Variants in ROBO2 observed in about 807,000 individuals in gnomAD.
The protein encoded by ROBO2 is roundabout homolog 2.
A neutral mutation model predicts 160.8 loss-of-function variants in ROBO2; 53 were observed. The observed-to-expected ratio is 0.33, with a 90% CI of 0.26 to 0.41. The LOEUF is 0.41. Ranked by LOEUF, ROBO2 falls within the 10% of genes least tolerant of loss-of-function variation. The pLI is 1.00. For missense variants in ROBO2, 1,577 were observed against 1,722.4 expected (o/e 0.92, Z 1.49); for synonymous variants, 664 against 611.7 (o/e 1.09, Z -1.26).
intron 2 of ROBO2, among the ~76,000 whole-genome samples, chr3:76,217,030 G>A (rs1224147009): frequency 2.0e-5 from 3 of 152,098 alleles, no homozygotes; most frequent in African/African-American, 4.8e-5. Context: ...TCAACTACAT[G>A]GAAACTGAAC....
rs561613025 is a variant in ROBO2, at chr3:77,593,484, G to T, written c.2684-1658G>T. Among the ~76,000 whole-genome samples, 111 of 152,282 alleles carry T rather than the reference G, an allele frequency of 7.3e-4. 1 individual carries two copies. Among genetic ancestry groups the T allele is most frequent in the Non-Finnish European group, 1.1e-3 (72 of 68,028 alleles). On this transcript the variant is annotated intron_variant, in intron 17 of 25. Coordinates refer to ENST00000461745, the Ensembl canonical transcript of ROBO2. The stretch of plus-strand genomic sequence containing the variant: ...AGCATGTGCCTATAGCCAGTGTTGA[G>T]CAGATGCAAAGGTTATGTCAGGATT...
chr3:76,379,118 G>T (rs1028831687), intron 2 of ROBO2, among the ~76,000 whole-genome samples: 1 of 152,074 alleles, frequency 6.6e-6, no homozygotes, highest in African/African-American at 2.4e-5. Context: ...AACAAATGAA[G>T]ACATTGTTTT....
chr3:76,791,289 C>T (rs2063334075), intron 2 of ROBO2, among the ~76,000 whole-genome samples: 1 of 151,734 alleles, frequency 6.6e-6, no homozygotes, highest in South Asian at 2.1e-4. Flanking sequence ...GGTAGTGAGC[C>T]TGCAGAATGG....
chr3:76,081,837 T>TACACAC (rs55705748), intron 2 of ROBO2, among the ~76,000 whole-genome samples: 12,353 of 148,022 alleles, frequency 0.083, 648 homozygotes, highest in Non-Finnish European at 0.12. Flanking sequence ...TGTAAATACA[T>TACACAC]ACACACACAC....
chr3:77,410,699 T>TCCTCCTCC (rs1560758742), intron 2 of ROBO2, among the ~76,000 whole-genome samples: 1 of 41,014 alleles, frequency 2.4e-5, no homozygotes, highest in African/African-American at 1.2e-4. Flanking sequence ...CCTCCTCCTC[T>TCCTCCTCC]TCCTCCTCCT....
intron 2 of ROBO2, among the ~76,000 whole-genome samples, chr3:76,226,450 A>G (rs1398346195): frequency 6.6e-6 from 1 of 152,140 alleles, no homozygotes; most frequent in African/African-American, 2.4e-5. Flanking sequence ...TGTTGTGGTC[A>G]GAATTGTCAC....
At chr3:76,334,189 C>T (rs971181660) in intron 2 of ROBO2, among the ~76,000 whole-genome samples, 1 of 152,100 alleles carries the variant, frequency 6.6e-6, no homozygotes, top group Admixed American at 6.6e-5. Context: ...CTTCACCACC[C>T]ATATCATCAT....
At chr3:77,047,543 G>T (rs1451198750) in intron 1 of ROBO2, among the ~76,000 whole-genome samples, 2 of 151,386 alleles carry the variant, frequency 1.3e-5, no homozygotes, top group Non-Finnish European at 2.9e-5. Flanking sequence ...ACAAAAATTG[G>T]CTGAGCATGG....
At chr3:76,576,651 T>C (rs1411258225) in intron 2 of ROBO2, among the ~76,000 whole-genome samples, 1 of 150,998 alleles carries the variant, frequency 6.6e-6, no homozygotes, top group African/African-American at 2.4e-5. Context: ...TCATAACACT[T>C]TACCCTTTGT....
chr3:77,494,431 A>T (rs553075598), intron 5 of ROBO2, among the ~76,000 whole-genome samples: 2 of 152,254 alleles, frequency 1.3e-5, no homozygotes, highest in East Asian at 3.9e-4. Flanking sequence ...ACAAAAAGTT[A>T]GCTGAGTGTG....
At chr3:76,077,657 T>C (rs1272904280) in intron 2 of ROBO2, among the ~76,000 whole-genome samples, 1 of 151,974 alleles carries the variant, frequency 6.6e-6, no homozygotes, top group Non-Finnish European at 1.5e-5. Context: ...CCTACTATTA[T>C]TTAAAAAAAG....
intron 2 of ROBO2, among the ~76,000 whole-genome samples, chr3:76,840,239 C>T (rs904181112): frequency 4.6e-5 from 7 of 151,424 alleles, no homozygotes; most frequent in Non-Finnish European, 1.0e-4. Flanking sequence ...TTTGGTTGCT[C>T]TTGCTTTTCT....
chr3:77,047,595 A>T (rs924279053), intron 1 of ROBO2, among the ~76,000 whole-genome samples: 2 of 151,858 alleles, frequency 1.3e-5, no homozygotes, highest in Non-Finnish European at 2.9e-5. Flanking sequence ...AGGCTGAGGC[A>T]GGAGAATCAT....
At chr3:76,827,395 C>A (rs141205327) in intron 2 of ROBO2, among the ~76,000 whole-genome samples, 91 of 152,216 alleles carry the variant, frequency 6.0e-4, no homozygotes, top group African/African-American at 2.0e-3. Flanking sequence ...GTAGGTGATT[C>A]ATTTGTTTTC....
intron 1 of ROBO2, among the ~76,000 whole-genome samples, chr3:77,067,308 C>T (rs539832652): frequency 1.3e-5 from 2 of 152,130 alleles, no homozygotes; most frequent in Admixed American, 1.3e-4. Flanking sequence ...CAGTTTAAAA[C>T]TCAACACTCA....
chr3:77,204,690 C>G (rs2083248616), intron 2 of ROBO2, among the ~76,000 whole-genome samples: 1 of 152,174 alleles, frequency 6.6e-6, no homozygotes, highest in African/African-American at 2.4e-5. Context: ...CAGTGGGCCA[C>G]CTGACAGCAT....
exon 22 of ROBO2, chr3:77,617,577 G>A: frequency 1.2e-6 from 2 of 1,614,176 alleles, no homozygotes; most frequent in Non-Finnish European, 1.7e-6. Context: ...AGGTCTGGAA[G>A]ATGAACTGGA....
chr3:76,734,883 C>T (rs148251733), intron 2 of ROBO2, among the ~76,000 whole-genome samples: 136 of 152,332 alleles, frequency 8.9e-4, no homozygotes, highest in African/African-American at 2.9e-3. Flanking sequence ...TCCATTTTCT[C>T]TCTTCAATAA....
intron 2 of ROBO2, among the ~76,000 whole-genome samples, chr3:76,614,948 G>A (rs2088456606): frequency 6.6e-6 from 1 of 152,044 alleles, no homozygotes; most frequent in Non-Finnish European, 1.5e-5. Flanking sequence ...GATCACCAGA[G>A]CTGGTATTTT....
Sources: gnomAD v4.1 joint callset for allele counts (sites outside exome capture counted in the v4.1 genomes callset) on GRCh38, gnomAD v4.1.1 for gene constraint, MANE v1.5 for transcripts, NCBI Gene and HGNC (gene_info 2026-07-23, HGNC 2026-07-21) for gene names.